Variants in TENM2 observed in about 807,000 individuals in gnomAD.
The protein encoded by TENM2 is teneurin transmembrane protein 2.
TENM2 carries 52 observed loss-of-function variants against 245.2 expected under a neutral mutation model. The observed-to-expected ratio is 0.21, with a 90% CI of 0.17 to 0.27. TENM2 has a LOEUF of 0.27. Ranked by LOEUF, TENM2 falls within the 10% of genes least tolerant of loss-of-function variation. TENM2 has a pLI of 1.00. For missense variants in TENM2, 3,046 were observed against 3,666.8 expected, an observed-to-expected ratio of 0.83 and a Z score of 4.37; for synonymous variants, 1,363 against 1,438.9, an observed-to-expected ratio of 0.95 and a Z score of 1.19.
the TENM2 span, among the ~76,000 whole-genome samples, chr5:167,037,870 C>G: frequency 2.6e-5 from 4 of 152,286 alleles, no homozygotes; most frequent in South Asian, 8.3e-4. Flanking sequence ...ACAGAGGGTT[C>G]AAGACCCACT....
At chr5:167,559,700 A>C (rs984515629) in intron 2 of TENM2, among the ~76,000 whole-genome samples, 3 of 152,172 alleles carry the variant, frequency 2.0e-5, no homozygotes, top group Admixed American at 2.0e-4. Flanking sequence ...GTAAGGGGGC[A>C]TGGAGATATT....
At chr5:167,277,589 G>T in the TENM2 span, among the ~76,000 whole-genome samples, 2 of 152,250 alleles carry the variant, frequency 1.3e-5, no homozygotes, top group East Asian at 1.9e-4. Context: ...ACCTGTTGTT[G>T]TTGGGAGGAG....
At chr5:167,242,152 C>A in the TENM2 span, among the ~76,000 whole-genome samples, 1 of 150,922 alleles carries the variant, frequency 6.6e-6, no homozygotes, top group Non-Finnish European at 1.5e-5. Flanking sequence ...CAGGTTCAAG[C>A]GATTCTCCTG....
chr5:167,190,208 A>G, the TENM2 span, among the ~76,000 whole-genome samples: 3 of 152,106 alleles, frequency 2.0e-5, no homozygotes, highest in African/African-American at 2.4e-5. Flanking sequence ...AAACATAATA[A>G]TGGTTTCCCC....
intron 12 of TENM2, among the ~76,000 whole-genome samples, chr5:168,132,376 G>T (rs143306568): frequency 6.6e-6 from 1 of 152,262 alleles, no homozygotes; most frequent in East Asian, 1.9e-4. Context: ...TAGTTTAGAT[G>T]GAAGCATTTT....
chr5:167,384,698 G>A (rs547733488), intron 2 of TENM2, among the ~76,000 whole-genome samples: 14 of 115,962 alleles, frequency 1.2e-4, no homozygotes, highest in African/African-American at 1.7e-4. Context: ...GCGTGCACAC[G>A]CGTGCGCGCA....
At chr5:167,548,678 T>TA (rs1177605272) in intron 2 of TENM2, among the ~76,000 whole-genome samples, 1 of 152,154 alleles carries the variant, frequency 6.6e-6, no homozygotes, top group African/African-American at 2.4e-5. Flanking sequence ...GATGGCCTCT[T>TA]ACCATATTCT....
At chr5:167,078,918 G>T in the TENM2 span, among the ~76,000 whole-genome samples, 1 of 152,040 alleles carries the variant, frequency 6.6e-6, no homozygotes, top group African/African-American at 2.4e-5. Context: ...ATGCTTGGGG[G>T]CCATGTTAGA....
the TENM2 span, among the ~76,000 whole-genome samples, chr5:166,992,972 G>T: frequency 5.7e-3 from 864 of 152,242 alleles, 4 homozygotes; most frequent in Non-Finnish European, 1.0e-2. Flanking sequence ...CGCATTGCCA[G>T]ATTATTCTGT....
chr5:167,595,615 A>G (rs1334158804), intron 2 of TENM2, among the ~76,000 whole-genome samples: 3 of 152,164 alleles, frequency 2.0e-5, no homozygotes, highest in Non-Finnish European at 4.4e-5. Flanking sequence ...ATAAATAGAG[A>G]GCCATTTGGA....
At chr5:167,383,743 A>C (rs936910793) in intron 2 of TENM2, among the ~76,000 whole-genome samples, 2 of 151,968 alleles carry the variant, frequency 1.3e-5, no homozygotes, top group African/African-American at 2.4e-5. Flanking sequence ...AAAAAAAAAA[A>C]AAAAAAACTT....
At chr5:167,894,927 AAGGAAGGAAGGAAG>A (rs1775057234) in intron 3 of TENM2, among the ~76,000 whole-genome samples, 1 of 26,504 alleles carries the variant, frequency 3.8e-5, no homozygotes, top group African/African-American at 1.2e-4. Context: ...GGAAAGAAGG[AAGGAAGGAAGGAAG>A]GAAGGAAGGA....
intron 2 of TENM2, among the ~76,000 whole-genome samples, chr5:167,416,942 C>A (rs1211125063): frequency 6.6e-6 from 1 of 152,096 alleles, no homozygotes; most frequent in Non-Finnish European, 1.5e-5. Flanking sequence ...TGTTTGATTA[C>A]ATAGATTGTT....
At chr5:167,773,649 C>G (rs1384069199) in intron 2 of TENM2, among the ~76,000 whole-genome samples, 1 of 152,112 alleles carries the variant, frequency 6.6e-6, no homozygotes, top group Non-Finnish European at 1.5e-5. Flanking sequence ...ATATCATTCT[C>G]TCTCTTATTG....
chr5:167,767,064 G>A (rs1428958974), intron 2 of TENM2, among the ~76,000 whole-genome samples: 2 of 152,156 alleles, frequency 1.3e-5, no homozygotes, highest in African/African-American at 4.8e-5. Flanking sequence ...TTGTCAAAAT[G>A]AAAGAGCAAA....
intron 8 of TENM2, among the ~76,000 whole-genome samples, chr5:168,097,262 C>T (rs1793441814): frequency 6.6e-6 from 1 of 152,172 alleles, no homozygotes; most frequent in Non-Finnish European, 1.5e-5. Flanking sequence ...AGGCTAAAAA[C>T]TGATACCCTG....
At position 168,154,146 on chromosome 5, in the gene TENM2, TTAAAA is replaced by T. The variant is rs1270451639; in HGVS notation, c.2423-8464_2423-8460del. 4.0e-5 allele frequency among the ~76,000 whole-genome samples: 3 copies of T among 75,752 alleles called. 1 individual carries two copies. Among genetic ancestry groups the T allele is most frequent in the Non-Finnish European group, 7.3e-5 (3 of 41,314 alleles). The allele number at this position is 75,752 out of a possible 152,430, so 49.7% of individuals were successfully genotyped here. ...CCATTTCCTCACATGATCACCTACTTTAAAAAAAAAAAAAAAAAAACAGTAAGAGC... is the reference window on the plus strand; with the variant it reads ...CCATTTCCTCACATGATCACCTACTTAAAAAAAAAAAAAAACAGTAAGAGC... On this transcript the variant is annotated intron_variant, in intron 12 of 28. Coordinates refer to ENST00000518659, the Ensembl canonical transcript of TENM2.
intron 2 of TENM2, among the ~76,000 whole-genome samples, chr5:167,501,037 A>G (rs777686918): frequency 1.3e-5 from 2 of 152,128 alleles, no homozygotes; most frequent in Non-Finnish European, 2.9e-5. Flanking sequence ...GCCCCAATTT[A>G]TGTTTCTTGT....
intron 2 of TENM2, among the ~76,000 whole-genome samples, chr5:167,626,095 A>G (rs913932050): frequency 6.6e-6 from 1 of 152,150 alleles, no homozygotes; most frequent in African/African-American, 2.4e-5. Context: ...TAAAGCAGAG[A>G]AAGATTAGGC....
Sources: gnomAD v4.1 joint callset for allele counts (sites outside exome capture counted in the v4.1 genomes callset) on GRCh38, gnomAD v4.1.1 for gene constraint, MANE v1.5 for transcripts, NCBI Gene and HGNC (gene_info 2026-07-23, HGNC 2026-07-21) for gene names.